The following DGKB variants were observed in gnomAD, a reference collection of about 807,000 sequenced individuals.
DGKB encodes 90 kDa diacylglycerol kinase.
Under a neutral mutation model 114.3 loss-of-function variants are expected in DGKB, and 67 were observed. The observed-to-expected ratio is 0.59, with a 90% confidence interval of 0.48 to 0.72. The LOEUF (loss-of-function observed/expected upper bound fraction) is 0.72, where lower values mean the gene tolerates loss of function less well. Among genes scored for constraint, DGKB ranks in the 30% least tolerant of loss-of-function variants. DGKB has a pLI of 0.00. For missense variants in DGKB, 907 were observed against 975.2 expected (o/e 0.93, Z 0.93); for synonymous variants, 398 against 323.1 (o/e 1.23, Z -2.49).
chr7:14,172,132 A>G (rs186775161), intron 25 of DGKB, among the ~76,000 whole-genome samples: 1 of 152,322 alleles, frequency 6.6e-6, no homozygotes, highest in Admixed American at 6.5e-5. Flanking sequence ...TTACCAAACT[A>G]AAGAAGAGGA....
chr7:14,324,392 A>T (rs1439534336), intron 23 of DGKB, among the ~76,000 whole-genome samples: 2 of 149,528 alleles, frequency 1.3e-5, no homozygotes, highest in Admixed American at 1.4e-4. Context: ...GTTTGTACTG[A>T]GCCAAGATTG....
At chr7:14,352,512 C>T (rs1231413983) in intron 21 of DGKB, among the ~76,000 whole-genome samples, 1 of 151,672 alleles carries the variant, frequency 6.6e-6, no homozygotes, top group Non-Finnish European at 1.5e-5. Context: ...CATACAAAAA[C>T]GTACACAAAG....
intron 23 of DGKB, among the ~76,000 whole-genome samples, chr7:14,322,093 A>G (rs560437161): frequency 2.0e-5 from 3 of 152,354 alleles, no homozygotes; most frequent in African/African-American, 7.2e-5. Context: ...GAATCGACCC[A>G]TAGGGTAGAA....
chr7:14,279,315 A>G (rs993509949), intron 23 of DGKB, among the ~76,000 whole-genome samples: 13 of 152,174 alleles, frequency 8.5e-5, no homozygotes, highest in Admixed American at 3.3e-4. Flanking sequence ...AGGGGCGCCC[A>G]CCATTGCCCA....
At chr7:14,786,005 G>A (rs748968416) in intron 2 of DGKB, among the ~76,000 whole-genome samples, 1 of 151,518 alleles carries the variant, frequency 6.6e-6, no homozygotes, top group East Asian at 1.9e-4. Flanking sequence ...ATATTCCTTG[G>A]CAGAAAATCC....
chr7:14,839,342 T>A (rs1847589668), intron 2 of DGKB, among the ~76,000 whole-genome samples: 1 of 151,774 alleles, frequency 6.6e-6, no homozygotes, highest in South Asian at 2.1e-4. Context: ...GTATTGAGTA[T>A]AAGACTGCAA....
intron 21 of DGKB, among the ~76,000 whole-genome samples, chr7:14,458,856 G>A (rs530575622): frequency 4.6e-5 from 7 of 152,228 alleles, no homozygotes; most frequent in East Asian, 1.9e-4. Flanking sequence ...AGACAGAACC[G>A]TTCACTCTCC....
chr7:14,549,974 C>A (rs1490570329), intron 20 of DGKB, among the ~76,000 whole-genome samples: 2 of 150,908 alleles, frequency 1.3e-5, no homozygotes, highest in Non-Finnish European at 2.9e-5. Flanking sequence ...GCTGACAGAG[C>A]TAGACTGTCT....
At chr7:14,564,164 C>T (rs540161292) in intron 20 of DGKB, among the ~76,000 whole-genome samples, 11 of 152,260 alleles carry the variant, frequency 7.2e-5, no homozygotes, top group African/African-American at 2.6e-4. Context: ...CAATGGTATC[C>T]ATTAGTTAAG....
chr7:14,346,090 T>C (rs558571828), intron 21 of DGKB, among the ~76,000 whole-genome samples: 1 of 151,826 alleles, frequency 6.6e-6, no homozygotes, highest in African/African-American at 2.4e-5. Flanking sequence ...ACAATACATG[T>C]AAGTGACAGA....
chr7:14,870,409 T>C (rs879511790), intron 1 of DGKB, among the ~76,000 whole-genome samples: 3 of 152,130 alleles, frequency 2.0e-5, no homozygotes, highest in Non-Finnish European at 4.4e-5. Flanking sequence ...TTCCCAACCA[T>C]CTCTGAAAAA....
chr7:14,701,441 G>C (rs555402848), intron 7 of DGKB, among the ~76,000 whole-genome samples: 26 of 152,066 alleles, frequency 1.7e-4, no homozygotes, highest in South Asian at 1.7e-3. Context: ...TTCAGTGCAG[G>C]AAAAATAAAA....
At chr7:14,570,237 T>C (rs1434047316) in intron 20 of DGKB, among the ~76,000 whole-genome samples, 1 of 152,092 alleles carries the variant, frequency 6.6e-6, no homozygotes, top group Non-Finnish European at 1.5e-5. Context: ...CTTTTCTCAA[T>C]AATGCAGCTT....
At chr7:14,906,504 A>G (rs1202259290), upstream of DGKB, among the ~76,000 whole-genome samples, 1 of 125,030 alleles carries the variant, frequency 8.0e-6, no homozygotes, top group African/African-American at 3.0e-5. Flanking sequence ...CCCAGGCTGG[A>G]GTGCAATGAT....
intron 2 of DGKB, among the ~76,000 whole-genome samples, chr7:14,759,912 C>T (rs1478877140): frequency 6.6e-6 from 1 of 152,116 alleles, no homozygotes; most frequent in African/African-American, 2.4e-5. Flanking sequence ...ATATCCTTGC[C>T]AAAACTTGTT....
chr7:14,494,224 T>G (rs1198662821), intron 20 of DGKB, among the ~76,000 whole-genome samples: 1 of 152,036 alleles, frequency 6.6e-6, no homozygotes, highest in Non-Finnish European at 1.5e-5. Context: ...TAAAAGAGTA[T>G]ATTTTCTATG....
intron 2 of DGKB, among the ~76,000 whole-genome samples, chr7:14,765,480 ATC>A (rs1836315508): frequency 6.6e-6 from 1 of 151,956 alleles, no homozygotes. Flanking sequence ...ATCGTTGTTA[ATC>A]CTCTTAAACA....
intron 13 of DGKB, among the ~76,000 whole-genome samples, chr7:14,643,917 C>T (rs73680301): frequency 1.3e-5 from 2 of 152,126 alleles, no homozygotes; most frequent in Non-Finnish European, 2.9e-5. Context: ...TGCTGCGCAC[C>T]TTTGCACACC....
intron 5 of DGKB, among the ~76,000 whole-genome samples, chr7:14,734,516 T>A (rs1391959383): frequency 1.3e-5 from 2 of 152,128 alleles, no homozygotes. Context: ...GAATGTACAG[T>A]GAAGTTTTCA....
Sources: gnomAD v4.1 joint callset for allele counts (sites outside exome capture counted in the v4.1 genomes callset) on GRCh38, gnomAD v4.1.1 for gene constraint, MANE v1.5 for transcripts, NCBI Gene and HGNC (gene_info 2026-07-23, HGNC 2026-07-21) for gene names.